Variants in SLC8A1 observed in about 807,000 individuals in gnomAD.
SLC8A1 encodes sodium/calcium exchanger 1.
In SLC8A1, 18 loss-of-function variants were observed where a neutral mutation model predicts 68.3. That is an observed-to-expected ratio of 0.26 (90% confidence interval 0.18 to 0.39). SLC8A1 has a LOEUF of 0.39. Ranked by LOEUF, SLC8A1 falls within the 10% of genes least tolerant of loss-of-function variation. The pLI is 1.00. For missense variants in SLC8A1, 985 were observed against 1,156.7 expected (o/e 0.85, Z 2.15); for synonymous variants, 475 against 415.5 (o/e 1.14, Z -1.74).
chr2:40,148,779 T>C (rs1165761124), intron 6 of SLC8A1, among the ~76,000 whole-genome samples: 1 of 152,240 alleles, frequency 6.6e-6, no homozygotes, highest in Non-Finnish European at 1.5e-5. Context: ...AGAGAAGTTA[T>C]ATGCTTACAT....
chr2:40,304,914 C>T (rs1199221562), intron 2 of SLC8A1, among the ~76,000 whole-genome samples: 1 of 152,138 alleles, frequency 6.6e-6, no homozygotes, highest in East Asian at 1.9e-4. Context: ...GAGAATCTTC[C>T]ACCTACCCAC....
At chr2:40,376,211 G>T (rs1679811945) in intron 2 of SLC8A1, among the ~76,000 whole-genome samples, 1 of 151,914 alleles carries the variant, frequency 6.6e-6, no homozygotes, top group Admixed American at 6.6e-5. Context: ...TCTAGTATTT[G>T]TGGCCAACCT....
chr2:40,263,640 T>C (rs1303720116), intron 2 of SLC8A1, among the ~76,000 whole-genome samples: 4 of 152,058 alleles, frequency 2.6e-5, no homozygotes, highest in African/African-American at 9.7e-5. Context: ...TAGCCATTTA[T>C]GGAAAACTGG....
At chr2:40,448,555 G>C (rs12105772) in intron 1 of SLC8A1, among the ~76,000 whole-genome samples, 5,882 of 152,272 alleles carry the variant, frequency 0.039, 366 homozygotes, top group African/African-American at 0.13. Context: ...AAATCCACTG[G>C]TTTTGTTAGC....
intron 1 of SLC8A1, among the ~76,000 whole-genome samples, chr2:40,511,398 C>A (rs1576694272): frequency 6.6e-6 from 1 of 152,086 alleles, no homozygotes; most frequent in African/African-American, 2.4e-5. Flanking sequence ...ACAATTTTAA[C>A]AGATATGCTT....
At chr2:40,278,807 G>C (rs2067120049) in intron 2 of SLC8A1, among the ~76,000 whole-genome samples, 1 of 151,972 alleles carries the variant, frequency 6.6e-6, no homozygotes, top group Admixed American at 6.6e-5. Flanking sequence ...ACCCCCACTT[G>C]ACATCTAAAC....
intron 2 of SLC8A1, among the ~76,000 whole-genome samples, chr2:40,250,113 T>C (rs928953872): frequency 3.3e-5 from 5 of 152,176 alleles, no homozygotes; most frequent in Admixed American, 6.5e-5. Context: ...AAAGGGGACA[T>C]TGTGATGACA....
chr2:40,332,498 G>C (rs376419558), intron 2 of SLC8A1, among the ~76,000 whole-genome samples: 1 of 152,132 alleles, frequency 6.6e-6, no homozygotes, highest in Non-Finnish European at 1.5e-5. Flanking sequence ...TTTAATGAAA[G>C]AACTCCAGTC....
chr2:40,365,826 T>C (rs1175011975), intron 2 of SLC8A1, among the ~76,000 whole-genome samples: 2 of 151,744 alleles, frequency 1.3e-5, no homozygotes, highest in Non-Finnish European at 2.9e-5. Context: ...TACGGTAAGA[T>C]CTCACCTCTA....
chr2:40,116,043 T>C (rs2035287335), intron 7 of SLC8A1, among the ~76,000 whole-genome samples: 2 of 152,180 alleles, frequency 1.3e-5, no homozygotes. Flanking sequence ...CAGGAATCTA[T>C]TTTAACAGTA....
chr2:40,499,510 T>G (rs571521673), intron 1 of SLC8A1, among the ~76,000 whole-genome samples: 1 of 152,126 alleles, frequency 6.6e-6, no homozygotes, highest in Non-Finnish European at 1.5e-5. Flanking sequence ...ACAAGAGAAT[T>G]AGAGAGATAT....
intron 2 of SLC8A1, among the ~76,000 whole-genome samples, chr2:40,257,880 T>C (rs1158425764): frequency 6.6e-6 from 1 of 152,116 alleles, no homozygotes; most frequent in Admixed American, 6.5e-5. Flanking sequence ...GACTGCAAGA[T>C]TAATAAAGCA....
At chr2:40,216,366 G>C (rs1336961184) in intron 2 of SLC8A1, among the ~76,000 whole-genome samples, 1 of 152,094 alleles carries the variant, frequency 6.6e-6, no homozygotes, top group Non-Finnish European at 1.5e-5. Flanking sequence ...AGTATTCCAT[G>C]GTGTATATGT....
intron 2 of SLC8A1, among the ~76,000 whole-genome samples, chr2:40,336,420 T>C (rs1478265380): frequency 6.6e-6 from 1 of 152,180 alleles, no homozygotes; most frequent in African/African-American, 2.4e-5. Context: ...CCACTAAAAA[T>C]CTCAGAATAT....
At chr2:40,128,179 A>G (rs1054934486) in intron 7 of SLC8A1, among the ~76,000 whole-genome samples, 54 of 152,344 alleles carry the variant, frequency 3.5e-4, no homozygotes, top group African/African-American at 1.3e-3. Context: ...AAAATTTTTT[A>G]TGGCCACATG....
In SLC8A1 at chr2:40,311,721, A is replaced by AT. The variant is rs566944150; in HGVS notation, c.1808+116751dup. ...TGTTGTTTTGTTCTCTTTATCTTCT[A>AT]TTTTTTTTTCTGGAATGAACATGGA... On this transcript the variant is annotated intron_variant, in intron 2 of 7. Transcript: ENST00000406785. 3.2e-3 allele frequency among the ~76,000 whole-genome samples: 490 copies of AT among 150,782 alleles called. 2 individuals are homozygous for AT. The highest frequency in any genetic ancestry group is 0.023 in the South Asian group (108 of 4,768).
intron 2 of SLC8A1, among the ~76,000 whole-genome samples, chr2:40,298,484 G>A (rs1186431393): frequency 6.6e-6 from 1 of 152,074 alleles, no homozygotes; most frequent in Non-Finnish European, 1.5e-5. Context: ...AGGGATTTTG[G>A]GGGTAGGAGA....
At chr2:40,269,286 C>G (rs1039823511) in intron 2 of SLC8A1, among the ~76,000 whole-genome samples, 2 of 152,156 alleles carry the variant, frequency 1.3e-5, no homozygotes, top group African/African-American at 4.8e-5. Flanking sequence ...ATCTAGCATT[C>G]AAACTCAGGT....
chr2:40,390,678 T>A (rs1429751535), intron 2 of SLC8A1, among the ~76,000 whole-genome samples: 1 of 152,092 alleles, frequency 6.6e-6, no homozygotes, highest in Admixed American at 6.6e-5. Context: ...CATTTTCACA[T>A]ACACATAGTC....
Sources: gnomAD v4.1 joint callset for allele counts (sites outside exome capture counted in the v4.1 genomes callset) on GRCh38, gnomAD v4.1.1 for gene constraint, MANE v1.5 for transcripts, NCBI Gene and HGNC (gene_info 2026-07-23, HGNC 2026-07-21) for gene names.